SECISBP2L: variants seen among roughly 807,000 people sequenced by gnomAD.
SECISBP2L encodes SECIS binding protein 2 like.
In SECISBP2L, 43 loss-of-function variants were observed where a neutral mutation model predicts 114.7. The observed-to-expected ratio is 0.38, with a 90% CI of 0.29 to 0.48. SECISBP2L has a LOEUF of 0.48. Among genes scored for constraint, SECISBP2L ranks in the 20% least tolerant of loss-of-function variants. SECISBP2L has a pLI of 0.98. For missense variants in SECISBP2L, 1,136 were observed against 1,301.1 expected (o/e 0.87, Z 1.95); for synonymous variants, 451 against 439.7 (o/e 1.03, Z -0.32).
chr15:49,042,356 C>T (rs1903158345), intron 1 of SECISBP2L: 1 of 152,606 alleles, frequency 6.6e-6, no homozygotes, highest in African/African-American at 2.4e-5. Flanking sequence ...TGGGGTCCCA[C>T]TATGTTGTCC....
chr15:48,995,381 C>A (rs980255137), intron 17 of SECISBP2L, among the ~76,000 whole-genome samples: 1 of 152,154 alleles, frequency 6.6e-6, no homozygotes, highest in Non-Finnish European at 1.5e-5. Flanking sequence ...CCCACAACAG[C>A]TTGTTAATTG....
At position 49,037,620 on chromosome 15, in the gene SECISBP2L, G is replaced by A. The variant is rs748718106; in HGVS notation, c.174C>T (p.Tyr58=). Residue 58 remains tyrosine, a synonymous_variant, in exon 2 of 18, where the codon TAC becomes TAT. Coordinates refer to ENST00000559471, the MANE Select transcript of SECISBP2L (RefSeq NM_001193489.2). The stretch of plus-strand genomic sequence containing the variant: ...TGGACTGGTTTTCCTGCACAAATGG[G>A]TAACAAGTAATCAGGTAGCTGGGAA... ...TPIPSYLITC[Y]PFVQENQSNR... is the part of the protein sequence containing the mutation. 3.1e-6 allele frequency: 5 copies of A among 1,613,584 alleles called. No homozygotes were observed. In the Admixed American group the frequency reaches 8.3e-5, roughly 27 times the overall value.
rs1218336779 is a variant in SECISBP2L at position 48,992,637 on chromosome 15, A to G, written c.2913T>C (p.Leu971=). The G allele has an allele frequency of 6.2e-7, 1 of 1,614,120 alleles. No individual in the cohort carries two copies. Among genetic ancestry groups the G allele is most frequent in the South Asian group, 1.1e-5 (1 of 91,084 alleles). Residue 971 remains leucine (L), a synonymous_variant, in exon 18 of 18, where the codon CTT becomes CTC. Transcript: ENST00000559471. ...TGSLDGSCRD[L]LNSSITSTTS... is the part of the protein sequence containing the mutation. ...TGGTGCTGGTGATGGAGGAATTCAA[A>G]AGATCTCGGCAACTGCCATCCAAAG...
Position 49,046,437 on chromosome 15 carries a change from C to T in SECISBP2L, c.-138G>A. ...CTGGCTGGCCGCGACACCGATTCGG[C>T]TACGCCACTGGCCGAGGAGGCGGCT... is the stretch of plus-strand genomic sequence containing the variant. On this transcript the variant is annotated 5_prime_UTR_variant, in exon 1 of 18. Coordinates refer to ENST00000559471, the MANE Select transcript of SECISBP2L (RefSeq NM_001193489.2). 2.1e-6 allele frequency: 2 copies of T among 954,756 alleles called. No individual in the cohort carries two copies. The highest frequency in any genetic ancestry group is 2.9e-6 in the Non-Finnish European group (2 of 689,140). 59.1% of individuals were successfully genotyped at this position (954,756 alleles called of 1,614,324 possible). A position where few individuals can be genotyped will look rare whatever the true frequency, so the allele number is the denominator to read the frequency against.
intron 11 of SECISBP2L, among the ~76,000 whole-genome samples, chr15:49,013,514 C>A (rs1902479759): frequency 6.6e-6 from 1 of 152,184 alleles, no homozygotes; most frequent in South Asian, 2.1e-4. Context: ...CCAGGATGGT[C>A]TCGATCTCTT....
At position 49,032,958 on chromosome 15, in the gene SECISBP2L, G is replaced by T. The variant is rs1317527352; in HGVS notation, c.664+7C>A. 7.4e-6 allele frequency: 12 copies of T among 1,612,940 alleles called. No individual in the cohort carries two copies. Among genetic ancestry groups the T allele is most frequent in the Non-Finnish European group, 1.0e-5 (12 of 1,179,654 alleles). On this transcript the variant is annotated splice_region_variant and intron_variant, in intron 4 of 17. Transcript: ENST00000559471. ...CAGTGACGCACATGTAAGAACCCTT[G>T]CCTTACCAGTTTGCTGTGAAGCATC...
Position 49,000,046 on chromosome 15 carries a change from C to T in SECISBP2L, c.2249-59G>A, listed in dbSNP as rs1394531441. On this transcript the variant is annotated intron_variant, in intron 15 of 17. Coordinates refer to ENST00000559471, the MANE Select transcript of SECISBP2L (RefSeq NM_001193489.2). The stretch of plus-strand genomic sequence containing the variant: ...TGTTGCCTACATGGAGCTAATTGCA[C>T]ACCCGATAGCTAAAGCATAAAACAT... 7.0e-6 allele frequency: 11 copies of T among 1,561,084 alleles called. No individual in the cohort carries two copies. The East Asian group carries it at 2.2e-4, about 32-fold the overall frequency.
Position 49,016,563 on chromosome 15 carries a change from T to C in SECISBP2L, c.1558A>G (p.Thr520Ala). ...TTGCTCAGACTAATGATATCACCTGTATATGACAGAGGTCTGGTGTTAGTA... is the reference window on the plus strand; with the variant it reads ...TTGCTCAGACTAATGATATCACCTGCATATGACAGAGGTCTGGTGTTAGTA... Reference protein sequence around the residue: ...QITNTRPLSYTVVTAASFHTK... With the variant: ...QITNTRPLSYAVVTAASFHTK... The change falls in exon 11 of 18, where the codon ACA (threonine) becomes GCA (alanine). Residue 520 changes from threonine (T) to alanine (A), a missense_variant. This residue lies in a region of SECISBP2L where 684 missense variants were observed against 848.7 expected (regional missense o/e 0.81). Coordinates refer to ENST00000559471, the MANE Select transcript of SECISBP2L (RefSeq NM_001193489.2). The C allele has an allele frequency of 6.2e-7, 1 of 1,605,658 alleles. No individual in the cohort carries two copies. Among genetic ancestry groups the C allele is most frequent in the Non-Finnish European group, 8.5e-7 (1 of 1,176,718 alleles).
At chr15:49,017,696 A>G in intron 8 of SECISBP2L, 68 bp from the exon 9 acceptor site, 1 of 1,052,096 alleles carries the variant, frequency 9.5e-7, no homozygotes, top group Non-Finnish European at 1.4e-6. Flanking sequence ...TAATGCTTAG[A>G]AGTATTGAAA....
intron 5 of SECISBP2L, 61 bp downstream of exon 5, chr15:49,028,392 G>C: frequency 1.4e-6 from 2 of 1,472,406 alleles, no homozygotes; most frequent in Admixed American, 3.4e-5. Context: ...TTTAGCAGAG[G>C]ATGCAAAATA....
chr15:48,992,967 T>G (rs1902015855), intron 17 of SECISBP2L, 41 bp from the exon 18 acceptor site: 1 of 1,519,152 alleles, frequency 6.6e-7, no homozygotes, highest in African/African-American at 1.4e-5. Context: ...CAGAACACTG[T>G]TTCAAAATCA....
intron 13 of SECISBP2L, among the ~76,000 whole-genome samples, chr15:49,011,148 T>C (rs1392617810): frequency 6.6e-6 from 1 of 152,160 alleles, no homozygotes; most frequent in Admixed American, 6.5e-5. Flanking sequence ...AGTTGGGCAA[T>C]AAAGATATAC....
At chr15:49,019,635 A>T in intron 7 of SECISBP2L, 83 bp from the exon 8 acceptor site, 1 of 1,124,872 alleles carries the variant, frequency 8.9e-7, no homozygotes. Flanking sequence ...CTGGCAGAAA[A>T]GTACACGCAA....
chr15:49,012,973 G>T, intron 11 of SECISBP2L, 156 bp from the exon 12 acceptor site: 1 of 677,488 alleles, frequency 1.5e-6, no homozygotes, highest in Non-Finnish European at 2.4e-6. Flanking sequence ...GTGTCCCTCA[G>T]ATACAGCTTT....
chr15:49,034,795 C>T (rs1210235375), intron 3 of SECISBP2L, among the ~76,000 whole-genome samples: 1 of 151,826 alleles, frequency 6.6e-6, no homozygotes, highest in Non-Finnish European at 1.5e-5. Context: ...CCCCAAGTAG[C>T]TGGAGCTACA....
At chr15:49,027,288 C>T (rs1451345877) in intron 7 of SECISBP2L, 77 bp downstream of exon 7, 4 of 1,018,450 alleles carry the variant, frequency 3.9e-6, no homozygotes, top group Non-Finnish European at 6.1e-6. Context: ...TGCATATCCA[C>T]TACACCACTG....
At chr15:49,034,086 A>G (rs191394758) in intron 3 of SECISBP2L, among the ~76,000 whole-genome samples, 115 of 152,322 alleles carry the variant, frequency 7.5e-4, no homozygotes, top group African/African-American at 2.5e-3. Context: ...TTCTTGACCA[A>G]GAAAGTTTCC....
chr15:49,010,313 C>T (rs1902412569), intron 13 of SECISBP2L, among the ~76,000 whole-genome samples: 1 of 152,026 alleles, frequency 6.6e-6, no homozygotes, highest in Non-Finnish European at 1.5e-5. Flanking sequence ...TCTCCAGGTA[C>T]CACCCCGGTC....
chr15:48,992,248 G>A lies in SECISBP2L; in HGVS notation c.3302C>T (p.Thr1101Met), dbSNP rs1262399120. The change falls in exon 18 of 18, where the codon ACG (threonine) becomes ATG (methionine). Residue 1101 changes from threonine to methionine, a missense_variant. Physicochemically the swap from Thr to Met is moderately conservative, Grantham distance 81. This residue lies in a region of SECISBP2L where 684 missense variants were observed against 848.7 expected (regional missense o/e 0.81). Transcript: ENST00000559471. ...AGAGAGCCGACATTTCCTGAGTTAC[G>A]TAGTTTGCGTTGTGTAATTAGAATC... ...HSDSNYTTQT[T>M] The A allele has an allele frequency of 6.3e-6, 10 of 1,596,498 alleles. No homozygotes were observed. Among genetic ancestry groups the A allele is most frequent in the South Asian group, 1.1e-5 (1 of 89,948 alleles).
Sources: gnomAD v4.1 joint callset for allele counts (sites outside exome capture counted in the v4.1 genomes callset) on GRCh38, gnomAD v4.1.1 for gene constraint, gnomAD v4.1.1 regional missense constraint, MANE v1.5 for transcripts, NCBI Gene and HGNC (gene_info 2026-07-23, HGNC 2026-07-21) for gene names.